DERA: variants seen among roughly 807,000 people sequenced by gnomAD.
The protein encoded by DERA is deoxyribose-phosphate aldolase.
In DERA, 15 loss-of-function variants were observed where a neutral mutation model predicts 41.1. The ratio of observed to expected loss-of-function variants is 0.37; its 90% CI spans 0.24 to 0.56. The LOEUF is 0.56. Among genes scored for constraint, DERA ranks in the 20% least tolerant of loss-of-function variants. The probability of loss-of-function intolerance (pLI) is 0.81; values close to 1 mark genes in which losing one functional copy is unlikely to be tolerated. For synonymous variants in DERA, 139 were observed against 137.4 expected, an observed-to-expected ratio of 1.01 and a Z score of -0.08; for missense variants, 396 against 403.4, an observed-to-expected ratio of 0.98 and a Z score of 0.16.
intron 1 of DERA, among the ~76,000 whole-genome samples, chr12:15,945,807 T>C (rs1311443065): frequency 6.6e-6 from 1 of 152,132 alleles, no homozygotes; most frequent in African/African-American, 2.4e-5. Flanking sequence ...CTGTCTTCTT[T>C]CAGTTTTCAA....
rs1948876063 is a variant in DERA at position 16,001,727 on chromosome 12, A to G, written c.637+19291A>G. On this transcript the variant is annotated intron_variant, in intron 6 of 8. Transcript: ENST00000428559. This position sits in a 1 kb window ranked among gnomAD's most constrained non-coding sequence, Gnocchi z 4.1. ...ATGGTATCAGAGGAGAAATTTTCCC[A>G]GGAGGGCGAGGTCATGAGTTAGGAG... Among the ~76,000 whole-genome samples, 1 of 152,218 alleles carries G rather than the reference A, an allele frequency of 6.6e-6. No individual in the cohort carries two copies. Among genetic ancestry groups the G allele is most frequent in the Non-Finnish European group, 1.5e-5 (1 of 68,042 alleles).
chr12:16,034,451 A>C (rs1402052008), intron 7 of DERA, among the ~76,000 whole-genome samples: 2 of 152,178 alleles, frequency 1.3e-5, no homozygotes, highest in Non-Finnish European at 2.9e-5. Context: ...CTCGGTAATA[A>C]ATAAGTCCAT....
chr12:16,036,751 G>A lies in DERA; in HGVS notation c.*5G>A. 1.3e-6 allele frequency: 2 copies of A among 1,581,164 alleles called. No individual in the cohort carries two copies. The highest frequency in any genetic ancestry group is 1.7e-6 in the Non-Finnish European group (2 of 1,165,542). On this transcript the variant is annotated 3_prime_UTR_variant, in exon 9 of 9. Coordinates refer to ENST00000428559, the MANE Select transcript of DERA (RefSeq NM_015954.4). The surrounding 1 kb of genome is among the most constrained non-coding windows in gnomAD (Gnocchi z 4.9). ...CATGATCTTCCAATGTCTTAAATCA[G>A]TCACCAGTTCCAGAAAAGTTCTTTA... is the stretch of plus-strand genomic sequence containing the variant.
Position 15,966,671 on chromosome 12 carries a change from C to T in DERA, c.508+3724C>T, listed in dbSNP as rs1160565202. On this transcript the variant is annotated intron_variant, in intron 5 of 8. Coordinates refer to ENST00000428559, the MANE Select transcript of DERA (RefSeq NM_015954.4). The surrounding 1 kb of genome is among the most constrained non-coding windows in gnomAD (Gnocchi z 5.1). ...TGTTGTGGCTTTGGTGCCTACATTCCTGAGGTCTTCCTTTCTGTTTCTGAT... is the reference window on the plus strand; with the variant it reads ...TGTTGTGGCTTTGGTGCCTACATTCTTGAGGTCTTCCTTTCTGTTTCTGAT... Among the ~76,000 whole-genome samples the T allele has an allele frequency of 6.6e-6, 1 of 152,028 alleles. No individual in the cohort carries two copies. The highest frequency in any genetic ancestry group is 2.4e-5 in the African/African-American group (1 of 41,398).
At chr12:16,018,923 G>A (rs904888411) in intron 6 of DERA, among the ~76,000 whole-genome samples, 3 of 151,972 alleles carry the variant, frequency 2.0e-5, no homozygotes, top group African/African-American at 7.3e-5. Flanking sequence ...AGTTGAAATT[G>A]TGGGCACTGA....
At position 16,017,091 on chromosome 12, in the gene DERA, TG is replaced by T. The variant is rs1168788169; in HGVS notation, c.638-15450del. On this transcript the variant is annotated intron_variant, in intron 6 of 8. Coordinates refer to ENST00000428559, the MANE Select transcript of DERA (RefSeq NM_015954.4). This position sits in a 1 kb window ranked among gnomAD's most constrained non-coding sequence, Gnocchi z 5.5. The stretch of plus-strand genomic sequence containing the variant: ...GATTATACAGTCAGAGTCCCCACTT[TG>T]TATTCCACTTAAATCATACTGTTTT... 6.6e-6 allele frequency among the ~76,000 whole-genome samples: 1 copy of T among 152,202 alleles called. No individual in the cohort carries two copies. Among genetic ancestry groups the T allele is most frequent in the Admixed American group, 6.5e-5 (1 of 15,278 alleles).
At position 15,994,599 on chromosome 12, in the gene DERA, G is replaced by A. The variant is rs1286881950; in HGVS notation, c.637+12163G>A. 1.3e-5 allele frequency among the ~76,000 whole-genome samples: 2 copies of A among 152,140 alleles called. No homozygotes were observed. The highest frequency in any genetic ancestry group is 6.5e-5 in the Admixed American group (1 of 15,274). On this transcript the variant is annotated intron_variant, in intron 6 of 8. Transcript: ENST00000428559. The surrounding 1 kb of genome is among the most constrained non-coding windows in gnomAD (Gnocchi z 4.8). ...CTCCTGAATAGCTGGGACTACAGGC[G>A]CCTGCAACCACGCCTGGCTAATTTT...
chr12:15,942,470 T>C lies in DERA; in HGVS notation c.32-14466T>C, dbSNP rs372564007. Among the ~76,000 whole-genome samples the C allele has an allele frequency of 1.1e-4, 16 of 152,376 alleles. 1 individual carries two copies. In the East Asian group the frequency reaches 2.5e-3, roughly 24 times the overall value. On this transcript the variant is annotated intron_variant, in intron 1 of 8. Transcript: ENST00000428559. ...ATCCAGAAGAGTTTTTCTGATGTTA[T>C]CTTCTAGCATTTTTATGGTTTCAGA...
In DERA at chr12:16,008,644, A is replaced by G. The variant is rs1022148062; in HGVS notation, c.638-23898A>G. Among the ~76,000 whole-genome samples the G allele has an allele frequency of 2.0e-5, 3 of 152,176 alleles. No individual in the cohort carries two copies. The highest frequency in any genetic ancestry group is 7.2e-5 in the African/African-American group (3 of 41,424). ...ACGGAACATGATAACGGTGGCTTAA[A>G]TTGTTTTTTCTTGTGTAAGAAGGAA... On this transcript the variant is annotated intron_variant, in intron 6 of 8. Coordinates refer to ENST00000428559, the MANE Select transcript of DERA (RefSeq NM_015954.4). This position sits in a 1 kb window ranked among gnomAD's most constrained non-coding sequence, Gnocchi z 4.8.
rs371603018 is a variant in DERA, at chr12:15,999,709, G to A, written c.637+17273G>A. On this transcript the variant is annotated intron_variant, in intron 6 of 8. Transcript: ENST00000428559. The surrounding 1 kb of genome is among the most constrained non-coding windows in gnomAD (Gnocchi z 5.3). ...GGCCATGCTAAGGAATTGAAGTTTCGTGTTTGGGGGTACAGGAAATTTTTA... is the reference window on the plus strand; with the variant it reads ...GGCCATGCTAAGGAATTGAAGTTTCATGTTTGGGGGTACAGGAAATTTTTA... Among the ~76,000 whole-genome samples the A allele has an allele frequency of 6.6e-6, 1 of 152,142 alleles. No individual in the cohort carries two copies. The highest frequency in any genetic ancestry group is 2.4e-5 in the African/African-American group (1 of 41,426).
Position 16,033,333 on chromosome 12 carries a change from A to G in DERA, c.750+679A>G, listed in dbSNP as rs116371742. ...TATATAGCTCTTGAATTAAATATCAATTTTTGCGTTTTATGGAAGTTGGAT... is the reference window on the plus strand; with the variant it reads ...TATATAGCTCTTGAATTAAATATCAGTTTTTGCGTTTTATGGAAGTTGGAT... On this transcript the variant is annotated intron_variant, in intron 7 of 8. Transcript: ENST00000428559. Among the ~76,000 whole-genome samples, 1,350 of 152,322 alleles carry G rather than the reference A, an allele frequency of 8.9e-3. 23 individuals are homozygous for G. The highest frequency in any genetic ancestry group is 0.031 in the African/African-American group (1,280 of 41,562).
chr12:15,911,859 T>A lies in DERA; in HGVS notation c.31+445T>A, dbSNP rs1004436613. ...TTTAACCGTAACCTTGAAGTGGCCG[T>A]GCTCGTGGAAAAGTTGTCAGCCGTC... On this transcript the variant is annotated intron_variant, in intron 1 of 8. Transcript: ENST00000428559. This position sits in a 1 kb window ranked among gnomAD's most constrained non-coding sequence, Gnocchi z 4.5. 52 of 439,480 alleles carry A rather than the reference T, an allele frequency of 1.2e-4. No homozygotes were observed. Among genetic ancestry groups the A allele is most frequent in the Non-Finnish European group, 2.1e-4 (45 of 219,250 alleles). 27.2% of individuals were successfully genotyped at this position (439,480 alleles called of 1,614,324 possible).
chr12:15,936,942 T>TCCCGTCCCGTCCCGTCCCGTCCCGTCCC lies in DERA; in HGVS notation c.32-19994_32-19993insCCCGTCCCGTCCCGTCCCGTCCCGTCCC, dbSNP rs1565588744. ...TGTCCTGTCCTGTCCTGTCTTGTCC[T>TCCCGTCCCGTCCCGTCCCGTCCCGTCCC]GTCCCGTCCTGTCCTGCCCTGCCCT... On this transcript the variant is annotated intron_variant, in intron 1 of 8. Transcript: ENST00000428559. This position sits in a 1 kb window ranked among gnomAD's most constrained non-coding sequence, Gnocchi z 4.6. Among the ~76,000 whole-genome samples the TCCCGTCCCGTCCCGTCCCGTCCCGTCCC allele has an allele frequency of 2.6e-4, 39 of 148,946 alleles. No homozygotes were observed. The highest frequency in any genetic ancestry group is 8.8e-4 in the African/African-American group (35 of 39,782).
chr12:15,960,471 C>G (rs12824921), intron 4 of DERA, among the ~76,000 whole-genome samples: 1 of 151,040 alleles, frequency 6.6e-6, no homozygotes, highest in African/African-American at 2.4e-5. Context: ...AACCCCATCT[C>G]TACTAAAAAT....
Position 15,957,161 on chromosome 12 carries a change from T to C in DERA, c.129+128T>C. On this transcript the variant is annotated intron_variant, in intron 2 of 8. Coordinates refer to ENST00000428559, the MANE Select transcript of DERA (RefSeq NM_015954.4). This position sits in a 1 kb window ranked among gnomAD's most constrained non-coding sequence, Gnocchi z 4.8. ...AAAGATTGCAGCTGTCCATGACTTA[T>C]TTTAATAATTCATATATGATGATGA... 2.9e-6 allele frequency: 2 copies of C among 695,558 alleles called. No homozygotes were observed. Among genetic ancestry groups the C allele is most frequent in the Non-Finnish European group, 5.0e-6 (2 of 396,484 alleles). The allele number at this position is 695,558 out of a possible 1,614,324, so 43.1% of individuals were successfully genotyped here.
rs113279913 is a variant in DERA at position 15,981,707 on chromosome 12, C to T, written c.509-601C>T. Reference sequence around the variant, plus strand: ...GGGGTTAACAGATTTAAGGCAGCATCTCTGAGCCTCCCTGCAGAGATGGCT... The same window carrying T: ...GGGGTTAACAGATTTAAGGCAGCATTTCTGAGCCTCCCTGCAGAGATGGCT... On this transcript the variant is annotated intron_variant, in intron 5 of 8. Transcript: ENST00000428559. This position sits in a 1 kb window ranked among gnomAD's most constrained non-coding sequence, Gnocchi z 6.1. Among the ~76,000 whole-genome samples the T allele has an allele frequency of 1.1e-4, 17 of 152,294 alleles. 1 individual carries two copies. The highest frequency in any genetic ancestry group is 4.1e-4 in the African/African-American group (17 of 41,570).
intron 5 of DERA, among the ~76,000 whole-genome samples, chr12:15,975,207 A>G (rs1948688880): frequency 6.6e-6 from 1 of 152,172 alleles, no homozygotes; most frequent in Non-Finnish European, 1.5e-5. Flanking sequence ...TGGGCATCCG[A>G]GTTTTTAAGG....
chr12:15,994,277 T>C lies in DERA; in HGVS notation c.637+11841T>C, dbSNP rs1948822101. On this transcript the variant is annotated intron_variant, in intron 6 of 8. Coordinates refer to ENST00000428559, the MANE Select transcript of DERA (RefSeq NM_015954.4). The surrounding 1 kb of genome is among the most constrained non-coding windows in gnomAD (Gnocchi z 4.8). ...AAACCAATTTTTAAATAAAGCTGTA[T>C]TTCCCCTTTAAACATTAAGGGATTT... 6.6e-6 allele frequency among the ~76,000 whole-genome samples: 1 copy of C among 152,228 alleles called. No homozygotes were observed. Among genetic ancestry groups the C allele is most frequent in the African/African-American group, 2.4e-5 (1 of 41,456 alleles).
intron 1 of DERA, among the ~76,000 whole-genome samples, chr12:15,929,132 C>T (rs1275443325): frequency 6.6e-6 from 1 of 152,188 alleles, no homozygotes; most frequent in Non-Finnish European, 1.5e-5. Context: ...CTCCCAGCAA[C>T]CAGCATCCAG....
Sources: gnomAD v4.1 joint callset for allele counts (sites outside exome capture counted in the v4.1 genomes callset) on GRCh38, gnomAD v4.1.1 for gene constraint, Gnocchi (gnomAD v3.1) non-coding constraint, MANE v1.5 for transcripts, NCBI Gene and HGNC (gene_info 2026-07-23, HGNC 2026-07-21) for gene names.